The following MEGF11 variants were observed in gnomAD, a reference collection of about 807,000 sequenced individuals.
MEGF11 encodes multiple epidermal growth factor-like domains protein 11.
Under a neutral mutation model 146.6 loss-of-function variants are expected in MEGF11, and 126 were observed. The observed-to-expected ratio is 0.86, with a 90% CI of 0.74 to 1.00. The LOEUF (loss-of-function observed/expected upper bound fraction) is 1.00, where lower values mean the gene tolerates loss of function less well. MEGF11 is among the 50% of genes least tolerant of loss of function. The pLI is 0.00. For synonymous variants in MEGF11, 532 were observed against 583.4 expected, an observed-to-expected ratio of 0.91 and a Z score of 1.27; for missense variants, 1,509 against 1,521.2, an observed-to-expected ratio of 0.99 and a Z score of 0.13.
chr15:66,178,043 G>C (rs1316133821), intron 1 of MEGF11, among the ~76,000 whole-genome samples: 5 of 152,040 alleles, frequency 3.3e-5, no homozygotes, highest in Non-Finnish European at 5.9e-5. Flanking sequence ...GAGTGCAGTG[G>C]CACTATCACA....
intron 1 of MEGF11, among the ~76,000 whole-genome samples, chr15:66,157,955 G>C (rs1349712471): frequency 6.6e-6 from 1 of 152,168 alleles, no homozygotes; most frequent in East Asian, 1.9e-4. Context: ...AGGAACACAG[G>C]CACAGGATTT....
intron 1 of MEGF11, among the ~76,000 whole-genome samples, chr15:66,199,576 A>T (rs2091098933): frequency 6.6e-6 from 1 of 152,176 alleles, no homozygotes; most frequent in Non-Finnish European, 1.5e-5. Flanking sequence ...AAAGCCCCAG[A>T]TCTCTATTTA....
chr15:66,107,693 C>G (rs192186072), intron 4 of MEGF11, among the ~76,000 whole-genome samples: 1 of 152,300 alleles, frequency 6.6e-6, no homozygotes, highest in African/African-American at 2.4e-5. Context: ...GCCCTCAGAC[C>G]AGGGACCTGT....
chr15:65,918,782 G>A (rs558168725), intron 15 of MEGF11, among the ~76,000 whole-genome samples: 11 of 152,368 alleles, frequency 7.2e-5, no homozygotes, highest in Admixed American at 1.3e-4. Flanking sequence ...CCTGGAGGAA[G>A]AGCTGGTTTC....
At chr15:66,103,125 A>G (rs943433201) in intron 4 of MEGF11, among the ~76,000 whole-genome samples, 1 of 152,266 alleles carries the variant, frequency 6.6e-6, no homozygotes, top group Non-Finnish European at 1.5e-5. Context: ...TGAGTGGGAC[A>G]GATGGCTGGA....
intron 12 of MEGF11, among the ~76,000 whole-genome samples, chr15:65,928,733 AAC>A (rs1487949024): frequency 1.3e-5 from 2 of 152,066 alleles, no homozygotes; most frequent in African/African-American, 4.8e-5. Flanking sequence ...AAGTGGGGAT[AAC>A]ACAGCCATGA....
intron 9 of MEGF11, among the ~76,000 whole-genome samples, chr15:65,961,499 A>G (rs772375652): frequency 5.9e-5 from 9 of 152,158 alleles, no homozygotes; most frequent in East Asian, 5.8e-4. Flanking sequence ...TGACAACCCA[A>G]TTGTGGAGGG....
chr15:66,152,823 G>A (rs1273652533), intron 1 of MEGF11, among the ~76,000 whole-genome samples: 1 of 152,240 alleles, frequency 6.6e-6, no homozygotes, highest in African/African-American at 2.4e-5. Context: ...TGGCAGTGGT[G>A]ACCCAGAGCC....
rs962636427 is a variant in MEGF11 at position 66,176,113 on chromosome 15, A to G, written c.-8-47702T>C. On this transcript the variant is annotated intron_variant, in intron 1 of 25. Transcript: ENST00000395614. ...GGATTTGCAAATCAAAACCACAATG[A>G]GATGTCATCTCACCCCAGTTAAAAT... Among the ~76,000 whole-genome samples, 7 of 152,226 alleles carry G rather than the reference A, an allele frequency of 4.6e-5. No individual in the cohort carries two copies. The South Asian group carries it at 6.2e-4, about 13-fold the overall frequency.
intron 1 of MEGF11, among the ~76,000 whole-genome samples, chr15:66,207,280 C>T (rs1461377692): frequency 6.6e-6 from 1 of 152,128 alleles, no homozygotes; most frequent in East Asian, 1.9e-4. Flanking sequence ...AAGATAAAGA[C>T]CAACACAGAC....
At chr15:66,204,752 G>T (rs146714298) in intron 1 of MEGF11, among the ~76,000 whole-genome samples, 1 of 152,122 alleles carries the variant, frequency 6.6e-6, no homozygotes, top group Non-Finnish European at 1.5e-5. Flanking sequence ...GAAGACCACC[G>T]GTCTAGCAAG....
At chr15:66,213,648 T>C (rs573580559) in intron 1 of MEGF11, among the ~76,000 whole-genome samples, 243 of 151,918 alleles carry the variant, frequency 1.6e-3, no homozygotes, top group African/African-American at 5.8e-3. Context: ...AACTCCTGGC[T>C]TCAAACAATC....
chr15:65,938,994 A>C (rs953588570), intron 10 of MEGF11, among the ~76,000 whole-genome samples: 11 of 152,200 alleles, frequency 7.2e-5, no homozygotes, highest in African/African-American at 2.7e-4. Flanking sequence ...AATGGACAGG[A>C]GGTTAATGAG....
intron 2 of MEGF11, among the ~76,000 whole-genome samples, chr15:66,124,780 T>C (rs994831867): frequency 2.0e-5 from 3 of 152,256 alleles, no homozygotes; most frequent in Non-Finnish European, 4.4e-5. Flanking sequence ...AGATCTCAGC[T>C]TAACCAAAAT....
intron 24 of MEGF11, chr15:65,901,657 C>T (rs745883097): frequency 7.3e-5 from 11 of 150,592 alleles, no homozygotes; most frequent in African/African-American, 1.7e-4. Context: ...AGGAGTAAGG[C>T]AGTAAGGCAC....
intron 1 of MEGF11, among the ~76,000 whole-genome samples, chr15:66,209,210 C>T (rs1181087950): frequency 1.1e-4 from 16 of 152,146 alleles, no homozygotes; most frequent in Admixed American, 9.2e-4. Context: ...ATTAGCCGGG[C>T]GTGGTGGCGG....
intron 1 of MEGF11, among the ~76,000 whole-genome samples, chr15:66,155,488 T>C (rs781076891): frequency 1.3e-5 from 2 of 152,086 alleles, no homozygotes; most frequent in African/African-American, 2.4e-5. Flanking sequence ...CTTCCTCCAG[T>C]CTCCCGGCCT....
intron 5 of MEGF11, among the ~76,000 whole-genome samples, chr15:66,071,085 C>G (rs2085344486): frequency 6.6e-6 from 1 of 152,082 alleles, no homozygotes; most frequent in Non-Finnish European, 1.5e-5. Context: ...CTGTGCCAAG[C>G]ATTGTATGGG....
At chr15:65,990,686 AAAG>A (rs1180743608) in intron 5 of MEGF11, among the ~76,000 whole-genome samples, 7 of 147,916 alleles carry the variant, frequency 4.7e-5, no homozygotes, top group African/African-American at 1.0e-4. Flanking sequence ...AGAAAGGAAG[AAAG>A]GAAGAGAAAG....
Sources: gnomAD v4.1 joint callset for allele counts (sites outside exome capture counted in the v4.1 genomes callset) on GRCh38, gnomAD v4.1.1 for gene constraint, MANE v1.5 for transcripts, NCBI Gene and HGNC (gene_info 2026-07-23, HGNC 2026-07-21) for gene names.